EIF4G3: variants seen among roughly 807,000 people sequenced by gnomAD.
EIF4G3 encodes eIF-4-gamma 3.
A neutral mutation model predicts 186.4 loss-of-function variants in EIF4G3; 34 were observed. That is an observed-to-expected ratio of 0.18 (90% CI 0.14 to 0.24). EIF4G3 has a LOEUF of 0.24. Among genes scored for constraint, EIF4G3 ranks in the 10% least tolerant of loss-of-function variants. The pLI is 1.00. For missense variants in EIF4G3, 1,536 were observed against 1,948.5 expected (o/e 0.79, Z 3.99); for synonymous variants, 673 against 679.5 (o/e 0.99, Z 0.15).
chr1:21,046,484 T>C (rs185979055), intron 4 of EIF4G3, among the ~76,000 whole-genome samples: 227 of 152,356 alleles, frequency 1.5e-3, no homozygotes, highest in African/African-American at 5.2e-3. Flanking sequence ...TCATTTTCCC[T>C]CTTTCACGTT....
chr1:21,131,485 CAAG>C (rs1167996038), intron 2 of EIF4G3, among the ~76,000 whole-genome samples: 1 of 146,970 alleles, frequency 6.8e-6, no homozygotes, highest in Non-Finnish European at 1.5e-5. Context: ...ACCACAGATC[CAAG>C]AAGTTTAGAG....
intron 29 of EIF4G3, 71 bp downstream of exon 29, chr1:20,849,344 G>T: frequency 1.3e-6 from 1 of 778,940 alleles, no homozygotes; most frequent in Non-Finnish European, 2.0e-6. Context: ...ACCTGATTTA[G>T]ACCAGAACCA....
At chr1:21,022,433 G>A (rs1341114594) in intron 4 of EIF4G3, among the ~76,000 whole-genome samples, 4 of 152,180 alleles carry the variant, frequency 2.6e-5, no homozygotes, top group Admixed American at 1.3e-4. Flanking sequence ...CAGACATCAT[G>A]CACACTGAAT....
intron 24 of EIF4G3, among the ~76,000 whole-genome samples, chr1:20,859,154 G>T (rs1350702289): frequency 1.3e-5 from 2 of 152,142 alleles, no homozygotes; most frequent in African/African-American, 4.8e-5. Flanking sequence ...TATGACACTT[G>T]TATCTTAGTC....
intron 14 of EIF4G3, chr1:20,941,220 A>G (rs2095699870): frequency 1.3e-6 from 2 of 1,523,756 alleles, no homozygotes; most frequent in Non-Finnish European, 1.8e-6. Context: ...AATAGCAACA[A>G]CAACAACAAC....
intron 34 of EIF4G3, among the ~76,000 whole-genome samples, 159 bp from the exon 35 acceptor site, chr1:20,813,398 T>TAAA (rs11303095): frequency 1.6e-4 from 13 of 81,830 alleles, no homozygotes; most frequent in African/African-American, 2.8e-4. Flanking sequence ...CCCTATCTCT[T>TAAA]AAAAAAAAAA....
intron 12 of EIF4G3, among the ~76,000 whole-genome samples, chr1:20,950,512 T>C (rs12239626): frequency 0.03 from 4,529 of 152,078 alleles, 245 homozygotes; most frequent in African/African-American, 0.1. Context: ...CATGTATAAA[T>C]TACCTAGCAA....
chr1:20,921,718 G>A (rs1162576339), intron 14 of EIF4G3, among the ~76,000 whole-genome samples: 1 of 152,200 alleles, frequency 6.6e-6, no homozygotes, highest in Non-Finnish European at 1.5e-5. Context: ...TAAGTATGCA[G>A]CCTAAAAGCC....
intron 32 of EIF4G3, 53 bp from the exon 33 acceptor site, chr1:20,825,251 GAAAA>G (rs71585786): frequency 9.5e-4 from 219 of 231,254 alleles, no homozygotes; most frequent in South Asian, 1.2e-3. Context: ...AGAAGAAACA[GAAAA>G]AAAAAAAAAA....
chr1:20,981,190 G>A lies in EIF4G3; in HGVS notation c.236C>T (p.Thr79Ile). Residue 79 changes from threonine (T) to isoleucine (I), a missense_variant, in exon 9 of 37, where the codon ACC (threonine) becomes ATC (isoleucine). By Grantham distance (89) the Thr-to-Ile change is moderately conservative. Coordinates refer to ENST00000602326, the MANE Select transcript of EIF4G3 (RefSeq NM_001391906.1). ...AATGGAAGGACTGCTGTTCGGGATG[G>A]TAGCTCTAGGAGGCTGTATTTGAGG... ...QRPQIQPPRA[T>I]IPNSSPSIRP... 1 of 1,613,422 alleles carries A rather than the reference G, an allele frequency of 6.2e-7. No homozygotes were observed. The highest frequency in any genetic ancestry group is 8.5e-7 in the Non-Finnish European group (1 of 1,179,684).
At chr1:21,083,710 C>T (rs1437043139) in intron 3 of EIF4G3, among the ~76,000 whole-genome samples, 3 of 152,156 alleles carry the variant, frequency 2.0e-5, no homozygotes, top group South Asian at 2.1e-4. Flanking sequence ...TAAAAAAATA[C>T]ATTCAAAAGC....
At chr1:21,061,688 T>G (rs149617403) in intron 3 of EIF4G3, among the ~76,000 whole-genome samples, 1 of 151,990 alleles carries the variant, frequency 6.6e-6, no homozygotes, top group African/African-American at 2.4e-5. Context: ...TGTTACATAC[T>G]CAAGGTTGTG....
chr1:21,022,300 T>C (rs1420982363), intron 4 of EIF4G3, among the ~76,000 whole-genome samples: 1 of 152,214 alleles, frequency 6.6e-6, no homozygotes, highest in African/African-American at 2.4e-5. Flanking sequence ...TTCTATCTGA[T>C]TATGCTAAAT....
At chr1:21,011,786 G>C (rs1208275332) in intron 4 of EIF4G3, among the ~76,000 whole-genome samples, 1 of 152,080 alleles carries the variant, frequency 6.6e-6, no homozygotes, top group African/African-American at 2.4e-5. Context: ...ACAAAATTTA[G>C]CATGTCTTTT....
At position 21,041,989 on chromosome 1, in the gene EIF4G3, C is replaced by CT. The variant is rs762068508; in HGVS notation, c.-67+8876dup. ...AATTATAACAAATTTCTTTTCTTTT[C>CT]TTTTTTTTTTTTTTGGAGACAGGGT... is the stretch of plus-strand genomic sequence containing the variant. On this transcript the variant is annotated intron_variant, in intron 4 of 36. Coordinates refer to ENST00000602326, the MANE Select transcript of EIF4G3 (RefSeq NM_001391906.1). 7.7e-3 allele frequency among the ~76,000 whole-genome samples: 1,094 copies of CT among 142,048 alleles called. 10 individuals carry two copies. The highest frequency in any genetic ancestry group is 0.021 in the African/African-American group (839 of 39,040). 93.2% of individuals were successfully genotyped at this position (142,048 alleles called of 152,430 possible). A position where few individuals can be genotyped will look rare whatever the true frequency, so the allele number is the denominator to read the frequency against.
Position 21,176,744 on chromosome 1 carries a change from G to A in EIF4G3, c.-478C>T. On this transcript the variant is annotated 5_prime_UTR_variant, in exon 1 of 37. Coordinates refer to ENST00000602326, the MANE Select transcript of EIF4G3 (RefSeq NM_001391906.1). ...GACCTTTCACGGCAATATCCTCATG[G>A]GCCGGCGGCGGGGGATCTTTATCCC... 1.4e-6 allele frequency: 1 copy of A among 698,328 alleles called. No homozygotes were observed. Among genetic ancestry groups the A allele is most frequent in the South Asian group, 1.5e-5 (1 of 67,550 alleles). The allele number at this position is 698,328 out of a possible 1,614,324, so 43.3% of individuals were successfully genotyped here. A position where few individuals can be genotyped will look rare whatever the true frequency, so the allele number is the denominator to read the frequency against.
intron 3 of EIF4G3, among the ~76,000 whole-genome samples, chr1:21,057,546 G>T (rs2094618918): frequency 6.6e-6 from 1 of 152,114 alleles, no homozygotes; most frequent in Admixed American, 6.6e-5. Flanking sequence ...TTTCTGGGGA[G>T]AGAGGAAATT....
chr1:21,085,239 A>G (rs1238999579), intron 3 of EIF4G3, among the ~76,000 whole-genome samples: 1 of 152,138 alleles, frequency 6.6e-6, no homozygotes, highest in East Asian at 1.9e-4. Flanking sequence ...TAATTTAAAA[A>G]TAATAATTAA....
intron 3 of EIF4G3, chr1:21,064,980 T>C (rs994678665): frequency 3.3e-5 from 5 of 152,292 alleles, no homozygotes; most frequent in South Asian, 2.1e-4. Context: ...ATTACTGATA[T>C]ACATTCAGTG....
Sources: allele counts gnomAD v4.1 joint callset (sites outside exome capture counted in the v4.1 genomes callset), GRCh38; gene constraint gnomAD v4.1.1; transcripts MANE v1.5; gene names NCBI Gene and HGNC (gene_info 2026-07-23, HGNC 2026-07-21).